ADA: variants seen among roughly 807,000 people sequenced by gnomAD.
The protein encoded by ADA is adenosine aminohydrolase.
Under a neutral mutation model 49.0 loss-of-function variants are expected in ADA, and 45 were observed. That is an observed-to-expected ratio of 0.92 (90% CI 0.72 to 1.18). ADA has a LOEUF of 1.18. Among genes scored for constraint, ADA ranks in the 50% most tolerant of loss-of-function variants. ADA has a pLI of 0.00. For missense variants in ADA, 445 were observed against 472.5 expected, an observed-to-expected ratio of 0.94 and a Z score of 0.54; for synonymous variants, 173 against 184.2, an observed-to-expected ratio of 0.94 and a Z score of 0.49.
intron 1 of ADA, among the ~76,000 whole-genome samples, chr20:44,638,082 T>C (rs2018135650): frequency 6.6e-6 from 1 of 152,180 alleles, no homozygotes; most frequent in Admixed American, 6.5e-5. Flanking sequence ...TAGAGCATCA[T>C]GCGGTTAGAG....
intron 5 of ADA, among the ~76,000 whole-genome samples, chr20:44,625,241 G>A (rs2065370900): frequency 6.6e-6 from 1 of 152,132 alleles, no homozygotes; most frequent in Non-Finnish European, 1.5e-5. Flanking sequence ...ATGGGGCCTG[G>A]TCCACTGGGT....
chr20:44,620,591 T>G (rs1240779655), intron 10 of ADA, 190 bp from the exon 11 acceptor site: 1 of 654,896 alleles, frequency 1.5e-6, no homozygotes, highest in East Asian at 2.8e-5. Context: ...AATTTGTCAT[T>G]ACATGAAAAA....
Position 44,622,517 on chromosome 20 carries a change from A to T in ADA, c.845+71T>A, listed in dbSNP as rs980910728. 6.0e-5 allele frequency: 94 copies of T among 1,573,030 alleles called. No homozygotes were observed. The East Asian group carries it at 2.1e-3, about 34-fold the overall frequency. Reference sequence around the variant, plus strand: ...AAGACGCGGCATGGGCTGATGCCCAATCCCTAAAGTTTCTTCCCTCTTTGG... The same window carrying T: ...AAGACGCGGCATGGGCTGATGCCCATTCCCTAAAGTTTCTTCCCTCTTTGG... On this transcript the variant is annotated intron_variant, in intron 9 of 11. Coordinates refer to ENST00000372874, the MANE Select transcript of ADA (RefSeq NM_000022.4).
At chr20:44,648,985 G>A (rs942174543) in intron 1 of ADA, among the ~76,000 whole-genome samples, 2 of 152,040 alleles carry the variant, frequency 1.3e-5, no homozygotes, top group Non-Finnish European at 2.9e-5. Flanking sequence ...CACAGCAAAG[G>A]CTCCTGTCTC....
At chr20:44,630,456 C>T (rs1178733866) in intron 2 of ADA, among the ~76,000 whole-genome samples, 3 of 151,392 alleles carry the variant, frequency 2.0e-5, no homozygotes, top group Non-Finnish European at 4.4e-5. Context: ...AACCTAAGAA[C>T]CAAAACAAAA....
rs1328088919 is a variant in ADA at position 44,629,127 on chromosome 20, C to T, written c.138G>A (p.Leu46=). The T allele has an allele frequency of 2.5e-6, 4 of 1,614,120 alleles. No individual in the cohort carries two copies. In the African/African-American group the frequency reaches 4.0e-5, roughly 16 times the overall value. ...GCTTGTCCATGCCAATGACGTTCAG[C>T]AGCCCCTCTGCTGTGTTAGCTGGGA... The part of the protein sequence containing the change: ...IALPANTAEG[L]LNVIGMDKPL... The change falls in exon 3 of 12, where the codon CTG becomes CTA. Residue 46 remains leucine (L), a synonymous_variant. Transcript: ENST00000372874.
chr20:44,629,163 TCTC>T lies in ADA; in HGVS notation c.99_101del (p.Arg34del). ...CTGTGTTAGCTGGGAGGGCGATCCC[TCTC>T]CTCCTGGAAACAAAACAGTGAGTGG... On this transcript the variant is annotated inframe_deletion, in exon 3 of 12. Transcript: ENST00000372874. 1 of 1,614,130 alleles carries T rather than the reference TCTC, an allele frequency of 6.2e-7. No individual in the cohort carries two copies. The highest frequency in any genetic ancestry group is 8.5e-7 in the Non-Finnish European group (1 of 1,180,024).
intron 6 of ADA, 171 bp downstream of exon 6, chr20:44,624,031 C>T (rs966072238): frequency 1.7e-5 from 16 of 932,588 alleles, no homozygotes; most frequent in Non-Finnish European, 2.6e-5. Context: ...CAGGCATGAA[C>T]CACCACGCCT....
intron 3 of ADA, among the ~76,000 whole-genome samples, chr20:44,627,213 GCT>G (rs888681902): frequency 6.9e-6 from 1 of 144,824 alleles, no homozygotes; most frequent in South Asian, 2.2e-4. Context: ...ACAGAATCTT[GCT>G]CTGTCGCCCA....
At chr20:44,632,557 G>C (rs903316054) in intron 2 of ADA, among the ~76,000 whole-genome samples, 1 of 152,158 alleles carries the variant, frequency 6.6e-6, no homozygotes, top group Non-Finnish European at 1.5e-5. Context: ...AAGCTGCTCA[G>C]ACTGAGCTGG....
chr20:44,651,523 C>A, intron 1 of ADA, 52 bp downstream of exon 1: 1 of 1,514,768 alleles, frequency 6.6e-7, no homozygotes, highest in South Asian at 1.2e-5. Flanking sequence ...CTAAGCCCCT[C>A]GGGCCGCCCA....
At chr20:44,634,524 T>G (rs1420575564) in intron 2 of ADA, among the ~76,000 whole-genome samples, 1 of 152,224 alleles carries the variant, frequency 6.6e-6, no homozygotes, top group South Asian at 2.1e-4. Context: ...CGGCTCAGTC[T>G]CCTCATCTGT....
intron 9 of ADA, 126 bp downstream of exon 9, chr20:44,622,462 C>T: frequency 1.7e-6 from 2 of 1,171,218 alleles, no homozygotes; most frequent in South Asian, 1.3e-5. Context: ...ATGCCTGCTT[C>T]CCAGGGTGTC....
intron 2 of ADA, among the ~76,000 whole-genome samples, chr20:44,633,488 A>C (rs184258568): frequency 6.6e-6 from 1 of 152,292 alleles, no homozygotes; most frequent in East Asian, 1.9e-4. Context: ...TTTAAGGCCC[A>C]TGTGTGGACT....
chr20:44,634,639 T>C (rs965502783), intron 2 of ADA, among the ~76,000 whole-genome samples: 1 of 152,262 alleles, frequency 6.6e-6, no homozygotes, highest in Non-Finnish European at 1.5e-5. Context: ...GAGGTGCTAC[T>C]GTGCTTATGC....
At chr20:44,623,114 C>A in intron 6 of ADA, 36 bp from the exon 7 acceptor site, 1 of 1,612,856 alleles carries the variant, frequency 6.2e-7, no homozygotes, top group Non-Finnish European at 8.5e-7. Context: ...GGTGCCCTAG[C>A]GGGAGGGCCC....
chr20:44,634,248 G>A (rs1331526772), intron 2 of ADA, among the ~76,000 whole-genome samples: 2 of 152,248 alleles, frequency 1.3e-5, no homozygotes, highest in Non-Finnish European at 1.5e-5. Flanking sequence ...TTGGCGGCTT[G>A]ACATGGGCAA....
chr20:44,631,451 A>G (rs2065432379), intron 2 of ADA, among the ~76,000 whole-genome samples: 1 of 152,074 alleles, frequency 6.6e-6, no homozygotes, highest in South Asian at 2.1e-4. Context: ...TTGCCCAGTA[A>G]CTGTGGCCGC....
Position 44,619,845 on chromosome 20 carries a change from G to T in ADA, c.1081C>A (p.Gln361Lys), listed in dbSNP as rs2065310788. The change falls in exon 12 of 12, where the codon CAG becomes AAG. Residue 361 changes from glutamine (Q) to lysine (K), a missense_variant and splice_region_variant. Gln to Lys is a moderately conservative substitution (Grantham distance 53, BLOSUM62 1). Coordinates refer to ENST00000372874, the MANE Select transcript of ADA (RefSeq NM_000022.4). ...GAGGAGTGGCGTCTTCAGAGGTTCT[G>T]CCCTGCTCGTTGGTTCAGAGAAGCA... Reference protein sequence around the residue: ...YGMPPSASAGQNL With the variant: ...YGMPPSASAGKNL 4 of 1,614,176 alleles carry T rather than the reference G, an allele frequency of 2.5e-6. No homozygotes were observed. Among genetic ancestry groups the T allele is most frequent in the Non-Finnish European group, 3.4e-6 (4 of 1,180,038 alleles).
Sources: allele counts gnomAD v4.1 joint callset (sites outside exome capture counted in the v4.1 genomes callset), GRCh38; gene constraint gnomAD v4.1.1; transcripts MANE v1.5; gene names NCBI Gene and HGNC (gene_info 2026-07-23, HGNC 2026-07-21).